The following ZSCAN23 variants were observed in gnomAD, a reference collection of about 807,000 sequenced individuals.
ZSCAN23 encodes the protein zinc finger and SCAN domain containing 23.
ZSCAN23 carries 19 observed loss-of-function variants against 19.3 expected under a neutral mutation model. The ratio of observed to expected loss-of-function variants is 0.99; its 90% CI spans 0.69 to 1.45. The LOEUF (loss-of-function observed/expected upper bound fraction) is 1.45, where lower values mean the gene tolerates loss of function less well. Among genes scored for constraint, ZSCAN23 ranks in the 40% most tolerant of loss-of-function variants. ZSCAN23 has a pLI of 0.00. For missense variants in ZSCAN23, 372 were observed against 462.5 expected (o/e 0.80, Z 1.79); for synonymous variants, 140 against 166.2 (o/e 0.84, Z 1.21).
At chr6:28,425,380 T>G in the ZSCAN23 span, among the ~76,000 whole-genome samples, 3 of 152,298 alleles carry the variant, frequency 2.0e-5, no homozygotes, top group East Asian at 5.8e-4. Context: ...CAGGCTGGAG[T>G]GCAGTGGCAC....
the ZSCAN23 span, among the ~76,000 whole-genome samples, chr6:28,423,280 C>G: frequency 6.6e-6 from 1 of 152,172 alleles, no homozygotes; most frequent in Admixed American, 6.5e-5. Flanking sequence ...TAACTCTGGC[C>G]AATAACATGT....
the ZSCAN23 span, among the ~76,000 whole-genome samples, chr6:28,424,464 T>C: frequency 2.0e-5 from 3 of 152,206 alleles, no homozygotes; most frequent in African/African-American, 4.8e-5. Context: ...CTTCCTTTCA[T>C]GAACTATTTC....
downstream of ZSCAN23, among the ~76,000 whole-genome samples, chr6:28,431,501 CAG>C (rs1453133401): frequency 6.6e-6 from 1 of 152,196 alleles, no homozygotes; most frequent in African/African-American, 2.4e-5. Context: ...GGCTCTGCCT[CAG>C]AAACTGATTC....
the ZSCAN23 span, among the ~76,000 whole-genome samples, chr6:28,423,314 A>G: frequency 1.3e-5 from 2 of 152,384 alleles, no homozygotes; most frequent in South Asian, 4.1e-4. Context: ...TAACTACGCT[A>G]GAGAAGTTAT....
the ZSCAN23 span, among the ~76,000 whole-genome samples, chr6:28,422,148 G>A: frequency 2.6e-5 from 4 of 151,960 alleles, no homozygotes; most frequent in Admixed American, 2.6e-4. The surrounding 1 kb of genome is among the most constrained non-coding windows in gnomAD (Gnocchi z 4.0). Context: ...TGTTGAAGCT[G>A]GGTGACAGGT....
At chr6:28,442,192 C>T (rs1762015843) in intron 1 of ZSCAN23, among the ~76,000 whole-genome samples, 1 of 152,086 alleles carries the variant, frequency 6.6e-6, no homozygotes, top group African/African-American at 2.4e-5. Context: ...TGAATTTTAA[C>T]GCAGTGATCT....
At chr6:28,422,089 G>A in the ZSCAN23 span, among the ~76,000 whole-genome samples, 3 of 151,880 alleles carry the variant, frequency 2.0e-5, no homozygotes, top group African/African-American at 4.8e-5. The surrounding 1 kb of genome is among the most constrained non-coding windows in gnomAD (Gnocchi z 4.0). Context: ...TAAAAGCATG[G>A]GATATGAGTA....
chr6:28,428,209 T>G (rs367602382), downstream of ZSCAN23, among the ~76,000 whole-genome samples: 1 of 152,240 alleles, frequency 6.6e-6, no homozygotes, highest in African/African-American at 2.4e-5. Flanking sequence ...CATACCAATC[T>G]TTCTTTGGAG....
At chr6:28,431,058 G>A (rs1488815943), downstream of ZSCAN23, among the ~76,000 whole-genome samples, 1 of 142,678 alleles carries the variant, frequency 7.0e-6, no homozygotes, top group Non-Finnish European at 1.5e-5. Flanking sequence ...TTAATCTTAG[G>A]TAACTAGTTA....
chr6:28,442,102 C>G (rs1179726809), intron 1 of ZSCAN23, among the ~76,000 whole-genome samples: 1 of 151,980 alleles, frequency 6.6e-6, no homozygotes, highest in East Asian at 1.9e-4. Flanking sequence ...GTCTCGAACT[C>G]CCGACCTCAC....
chr6:28,424,101 T>C, the ZSCAN23 span, among the ~76,000 whole-genome samples: 1 of 152,186 alleles, frequency 6.6e-6, no homozygotes, highest in Non-Finnish European at 1.5e-5. Flanking sequence ...CAGGCATACA[T>C]TGGACATATT....
In ZSCAN23 at chr6:28,434,958, T is replaced by C; in HGVS notation, c.677A>G (p.Tyr226Cys). Residue 226 changes from tyrosine (Y) to cysteine (C), a missense_variant, in exon 4 of 4, where the codon TAT (tyrosine) becomes TGT (cysteine). Transcript: ENST00000289788. ...QNGNITQIPEYGDTCDREGRL... is the reference protein window; with the variant it reads ...QNGNITQIPECGDTCDREGRL... ...GCCCTCACGGTCACAGGTATCTCCATACTCAGGAATCTGAGTAATATTACC... is the reference window on the plus strand; with the variant it reads ...GCCCTCACGGTCACAGGTATCTCCACACTCAGGAATCTGAGTAATATTACC... 6.4e-7 allele frequency: 1 copy of C among 1,551,922 alleles called. No homozygotes were observed. Among genetic ancestry groups the C allele is most frequent in the Non-Finnish European group, 8.7e-7 (1 of 1,147,058 alleles).
chr6:28,440,928 C>CA (rs1761986318), intron 1 of ZSCAN23, among the ~76,000 whole-genome samples: 1 of 152,188 alleles, frequency 6.6e-6, no homozygotes, highest in Non-Finnish European at 1.5e-5. Context: ...CTGGTGTCTC[C>CA]AAAAGGCTTC....
rs1477070485 is a variant in ZSCAN23 at position 28,443,470 on chromosome 6, CA to C, written c.-150del. 2.0e-5 allele frequency: 3 copies of C among 152,270 alleles called. No homozygotes were observed. The highest frequency in any genetic ancestry group is 7.2e-5 in the African/African-American group (3 of 41,470). The allele number at this position is 152,270 out of a possible 1,614,324, so 9.4% of individuals were successfully genotyped here. On this transcript the variant is annotated 5_prime_UTR_variant, in exon 1 of 4. Transcript: ENST00000289788. Reference sequence around the variant, plus strand: ...CTCTGAATCCTTGACAACCGCAGCCCAAAGAATGATAAACTACAAAGGCCGG... The same window carrying C: ...CTCTGAATCCTTGACAACCGCAGCCCAAGAATGATAAACTACAAAGGCCGG...
At chr6:28,424,522 C>G in the ZSCAN23 span, among the ~76,000 whole-genome samples, 1 of 152,202 alleles carries the variant, frequency 6.6e-6, no homozygotes, top group African/African-American at 2.4e-5. Flanking sequence ...ACAGAACTCT[C>G]AAAGTTGGAG....
chr6:28,422,695 T>C, the ZSCAN23 span, among the ~76,000 whole-genome samples: 2 of 142,366 alleles, frequency 1.4e-5, no homozygotes, highest in Non-Finnish European at 3.0e-5. This position sits in a 1 kb window ranked among gnomAD's most constrained non-coding sequence, Gnocchi z 4.0. Context: ...GTAACATGAG[T>C]AGCAGGATTT....
In ZSCAN23 at chr6:28,433,586, T is replaced by TA. The variant is rs1440995360; in HGVS notation, c.*878dup. The TA allele has an allele frequency of 1.1e-5, 1 of 95,134 alleles. No homozygotes were observed. Among genetic ancestry groups the TA allele is most frequent in the Admixed American group, 1.3e-4 (1 of 7,878 alleles). 5.9% of individuals were successfully genotyped at this position (95,134 alleles called of 1,614,324 possible). On this transcript the variant is annotated 3_prime_UTR_variant, in exon 4 of 4. Transcript: ENST00000289788. ...ATTTTTTTATTTATGATCTTGGTGG[T>TA]AATCAATAGTAAATGCTGAGAAAAT...
downstream of ZSCAN23, among the ~76,000 whole-genome samples, chr6:28,431,165 A>G (rs544742853): frequency 6.6e-6 from 1 of 152,200 alleles, no homozygotes; most frequent in South Asian, 2.1e-4. Flanking sequence ...TCCTAATCCA[A>G]TAGATCTATT....
At chr6:28,436,900 C>T (rs911438105) in intron 1 of ZSCAN23, among the ~76,000 whole-genome samples, 3 of 152,136 alleles carry the variant, frequency 2.0e-5, no homozygotes, top group African/African-American at 7.2e-5. Flanking sequence ...TGGACTGAGA[C>T]ATCAACCTGC....
Sources: gnomAD v4.1 joint callset for allele counts (sites outside exome capture counted in the v4.1 genomes callset) on GRCh38, gnomAD v4.1.1 for gene constraint, Gnocchi (gnomAD v3.1) non-coding constraint, MANE v1.5 for transcripts, NCBI Gene and HGNC (gene_info 2026-07-23, HGNC 2026-07-21) for gene names.